The following B3GNT7 variants were observed in gnomAD, a reference collection of about 807,000 sequenced individuals.
B3GNT7 encodes UDP-GlcNAc:betaGal beta-1,3-N-acetylglucosaminyltransferase 7, also known as BGnT-7.
B3GNT7 carries 9 observed loss-of-function variants against 5.1 expected under a neutral mutation model. The ratio of observed to expected loss-of-function variants is 1.77; its 90% CI spans 1.07 to 3.09. The LOEUF (loss-of-function observed/expected upper bound fraction) is 3.09, where lower values mean the gene tolerates loss of function less well. Among genes scored for constraint, B3GNT7 ranks in the 30% most tolerant of loss-of-function variants. B3GNT7 has a pLI of 0.00. For synonymous variants in B3GNT7, 253 were observed against 248.6 expected, an observed-to-expected ratio of 1.02 and a Z score of -0.17; for missense variants, 468 against 550.8, an observed-to-expected ratio of 0.85 and a Z score of 1.50.
intron 1 of B3GNT7, among the ~76,000 whole-genome samples, chr2:231,396,066 G>A (rs1377883839): frequency 2.6e-5 from 4 of 151,906 alleles, no homozygotes; most frequent in African/African-American, 4.8e-5. Context: ...TCAGCTCCCC[G>A]GCCCCGCGGC....
chr2:231,397,579 G>A (rs939514437), intron 1 of B3GNT7, among the ~76,000 whole-genome samples, 152 bp from the exon 2 acceptor site: 49 of 152,108 alleles, frequency 3.2e-4, no homozygotes, highest in African/African-American at 1.1e-3. Context: ...GAGGAAGCGG[G>A]ACCCTACCCT....
At chr2:231,396,157 T>A (rs1046678401) in intron 1 of B3GNT7, among the ~76,000 whole-genome samples, 5 of 151,918 alleles carry the variant, frequency 3.3e-5, no homozygotes, top group African/African-American at 1.2e-4. Flanking sequence ...TCCAGACCCC[T>A]GAGGGCCCCC....
chr2:231,395,749 G>T lies in B3GNT7; in HGVS notation c.-55G>T. The stretch of plus-strand genomic sequence containing the variant: ...GCCCGCCGTCCCGCCGGCCCGAGCC[G>T]TGGCGCCCAGAGCTGCGAGCCGCTC... On this transcript the variant is annotated 5_prime_UTR_variant, in exon 1 of 2. Transcript: ENST00000287590. The surrounding 1 kb of genome is among the most constrained non-coding windows in gnomAD (Gnocchi z 7.3). The T allele has an allele frequency of 8.6e-7, 1 of 1,161,020 alleles. No individual in the cohort carries two copies. Among genetic ancestry groups the T allele is most frequent in the Non-Finnish European group, 1.1e-6 (1 of 942,800 alleles). The allele number at this position is 1,161,020 out of a possible 1,614,324, so 71.9% of individuals were successfully genotyped here. A position where few individuals can be genotyped will look rare whatever the true frequency, so the allele number is the denominator to read the frequency against.
In B3GNT7 at chr2:231,399,058, TG is replaced by T. The variant is rs1242953164; in HGVS notation, c.*136del. The T allele has an allele frequency of 5.3e-6, 4 of 756,968 alleles. No individual in the cohort carries two copies. Among genetic ancestry groups the T allele is most frequent in the Non-Finnish European group, 4.2e-6 (2 of 480,496 alleles). 46.9% of individuals were successfully genotyped at this position (756,968 alleles called of 1,614,324 possible). A position where few individuals can be genotyped will look rare whatever the true frequency, so the allele number is the denominator to read the frequency against. On this transcript the variant is annotated 3_prime_UTR_variant, in exon 2 of 2. Coordinates refer to ENST00000287590, the MANE Select transcript of B3GNT7 (RefSeq NM_145236.3). ...TGGAGGGTTGAGGCCTACGTGCCAC[TG>T]GGTGTGGTGGGGTGCAGGTAGCCAG...
rs748968982 is a variant in B3GNT7, at chr2:231,398,810, C to T, written c.1091C>T (p.Pro364Leu). The T allele has an allele frequency of 2.5e-6, 4 of 1,605,122 alleles. No homozygotes were observed. Among genetic ancestry groups the T allele is most frequent in the Admixed American group, 3.3e-5 (2 of 60,004 alleles). The stretch of plus-strand genomic sequence containing the variant: ...CGCAACAGCCGCATGAACAAGGAGC[C>T]GTGCTTTTTCCGCGCCATGCTCGTG... ...RNRNSRMNKEPCFFRAMLVVH... is the reference protein window; with the variant it reads ...RNRNSRMNKELCFFRAMLVVH... Residue 364 changes from proline to leucine, a missense_variant, in exon 2 of 2, where the codon CCG becomes CTG. Physicochemically the swap from Pro to Leu is moderately conservative, Grantham distance 98. Transcript: ENST00000287590.
At position 231,397,846 on chromosome 2, in the gene B3GNT7, C is replaced by G; in HGVS notation, c.127C>G (p.Leu43Val). ...QFLQEPPPPT[L>V]EPQKAQKPNG... is the part of the protein sequence containing the mutation. Reference sequence around the variant, plus strand: ...TCTGCAGGAGCCTCCGCCACCCACCCTGGAGCCACAGAAGGCCCAGAAGCC... The same window carrying G: ...TCTGCAGGAGCCTCCGCCACCCACCGTGGAGCCACAGAAGGCCCAGAAGCC... The change falls in exon 2 of 2, where the codon CTG becomes GTG. Residue 43 changes from leucine to valine, a missense_variant. Coordinates refer to ENST00000287590, the MANE Select transcript of B3GNT7 (RefSeq NM_145236.3). 1 of 1,613,858 alleles carries G rather than the reference C, an allele frequency of 6.2e-7. No homozygotes were observed. Among genetic ancestry groups the G allele is most frequent in the Non-Finnish European group, 8.5e-7 (1 of 1,179,894 alleles).
chr2:231,396,997 A>T (rs73098155), intron 1 of B3GNT7, among the ~76,000 whole-genome samples: 8,308 of 152,092 alleles, frequency 0.055, 742 homozygotes, highest in African/African-American at 0.19. Context: ...ATGGGGTGTT[A>T]TGAGCTGGGG....
rs1479678724 is a variant in B3GNT7 at position 231,400,613 on chromosome 2, G to A, written c.*1688G>A. 1 of 152,552 alleles carries A rather than the reference G, an allele frequency of 6.6e-6. No individual in the cohort carries two copies. The highest frequency in any genetic ancestry group is 1.5e-5 in the Non-Finnish European group (1 of 68,324). The allele number at this position is 152,552 out of a possible 1,614,324, so 9.4% of individuals were successfully genotyped here. ...CAGGAGAAGAGTCACTCAGACAGCA[G>A]TATGAGCAAGCCAGCCAGCAGCTCC... On this transcript the variant is annotated 3_prime_UTR_variant, in exon 2 of 2. Transcript: ENST00000287590.
In B3GNT7 at chr2:231,398,496, A is replaced by G. The variant is rs377454321; in HGVS notation, c.777A>G (p.Pro259=). ...TAGAATTTCTGGCTGACCGGCAGCC[A>G]CAGGAAAACCTGTTCGTGGGCGATG... The part of the protein sequence containing the change: ...NLLEFLADRQ[P]QENLFVGDVL... Residue 259 remains proline (P), a synonymous_variant, in exon 2 of 2, where the codon CCA becomes CCG. Transcript: ENST00000287590. The G allele has an allele frequency of 4.2e-5, 67 of 1,613,586 alleles. No individual in the cohort carries two copies. The highest frequency in any genetic ancestry group is 5.1e-5 in the Non-Finnish European group (60 of 1,179,890).
chr2:231,397,857 G>A lies in B3GNT7; in HGVS notation c.138G>A (p.Gln46=). 7 of 1,613,874 alleles carry A rather than the reference G, an allele frequency of 4.3e-6. No homozygotes were observed. Among genetic ancestry groups the A allele is most frequent in the Non-Finnish European group, 5.9e-6 (7 of 1,179,896 alleles). ...QEPPPPTLEP[Q]KAQKPNGQLV... ...CTCCGCCACCCACCCTGGAGCCACA[G>A]AAGGCCCAGAAGCCAAATGGACAGC... Residue 46 remains glutamine, a synonymous_variant, in exon 2 of 2, where the codon CAG becomes CAA. Transcript: ENST00000287590.
At position 231,397,835 on chromosome 2, in the gene B3GNT7, C is replaced by T. The variant is rs745834879; in HGVS notation, c.116C>T (p.Pro39Leu). The T allele has an allele frequency of 1.5e-5, 25 of 1,613,670 alleles. No individual in the cohort carries two copies. Among genetic ancestry groups the T allele is most frequent in the South Asian group, 3.3e-5 (3 of 91,092 alleles). Residue 39 changes from proline (P) to leucine (L), a missense_variant, in exon 2 of 2, where the codon CCG (proline) becomes CTG (leucine). Coordinates refer to ENST00000287590, the MANE Select transcript of B3GNT7 (RefSeq NM_145236.3). ...CCTGGTCAGTTTCTGCAGGAGCCTC[C>T]GCCACCCACCCTGGAGCCACAGAAG... is the stretch of plus-strand genomic sequence containing the variant. The part of the protein sequence containing the change: ...LTPGQFLQEP[P>L]PPTLEPQKAQ...
chr2:231,398,679 G>A lies in B3GNT7; in HGVS notation c.960G>A (p.Leu320=), dbSNP rs750157891. The A allele has an allele frequency of 6.2e-7, 1 of 1,612,160 alleles. No homozygotes were observed. The highest frequency in any genetic ancestry group is 1.1e-5 in the South Asian group (1 of 91,076). ...ARRLHHACDT[L]ELYPIDDVFL... is the part of the protein sequence containing the mutation. The stretch of plus-strand genomic sequence containing the variant: ...GCCTGCACCATGCCTGCGACACCCT[G>A]GAGCTCTACCCGATCGACGACGTCT... The change falls in exon 2 of 2, where the codon CTG becomes CTA. Residue 320 remains leucine, a synonymous_variant. Transcript: ENST00000287590.
Position 231,398,011 on chromosome 2 carries a change from C to G in B3GNT7, c.292C>G (p.Gln98Glu), listed in dbSNP as rs781417639. The change falls in exon 2 of 2, where the codon CAG (glutamine) becomes GAG (glutamate). Residue 98 changes from glutamine (Q) to glutamate (E), a missense_variant. Coordinates refer to ENST00000287590, the MANE Select transcript of B3GNT7 (RefSeq NM_145236.3). ...NCSANINLTH[Q>E]PWFQVLEPQF... ...CTCAGCCAATATCAACTTGACCCAC[C>G]AGCCCTGGTTCCAGGTCCTGGAGCC... The G allele has an allele frequency of 1.1e-5, 18 of 1,610,396 alleles. No homozygotes were observed. The highest frequency in any genetic ancestry group is 1.4e-5 in the Non-Finnish European group (16 of 1,179,890).
At chr2:231,397,606 C>T (rs1444559697) in intron 1 of B3GNT7, 125 bp from the exon 2 acceptor site, 6 of 899,892 alleles carry the variant, frequency 6.7e-6, no homozygotes, top group East Asian at 2.7e-5. Flanking sequence ...TTAGGGACTC[C>T]GGGACTGAGC....
chr2:231,396,477 T>G (rs1036667243), intron 1 of B3GNT7, among the ~76,000 whole-genome samples: 1 of 152,130 alleles, frequency 6.6e-6, no homozygotes, highest in Non-Finnish European at 1.5e-5. Context: ...TGCCCCTGTC[T>G]TCCTCCAACC....
In B3GNT7 at chr2:231,398,413, C is replaced by G. The variant is rs2046535066; in HGVS notation, c.694C>G (p.His232Asp). ...FLKWLDIYCP[H>D]VPFIFKGDDD... ...CAAGTGGCTGGACATCTACTGCCCC[C>G]ACGTCCCCTTCATTTTCAAAGGCGA... Residue 232 changes from histidine (H) to aspartate (D), a missense_variant, in exon 2 of 2, where the codon CAC becomes GAC. By Grantham distance (81) the His-to-Asp change is moderately conservative (BLOSUM62 -1). Coordinates refer to ENST00000287590, the MANE Select transcript of B3GNT7 (RefSeq NM_145236.3). 1 of 1,613,744 alleles carries G rather than the reference C, an allele frequency of 6.2e-7. No individual in the cohort carries two copies. Among genetic ancestry groups the G allele is most frequent in the Non-Finnish European group, 8.5e-7 (1 of 1,179,868 alleles).
intron 1 of B3GNT7, chr2:231,397,182 G>C: frequency 1.0e-6 from 1 of 985,580 alleles, no homozygotes; most frequent in Non-Finnish European, 1.2e-6. Context: ...CCCCACATGT[G>C]ATGGAGCTCC....
rs1027080170 is a variant in B3GNT7 at position 231,398,472 on chromosome 2, A to G, written c.753A>G (p.Leu251=). 9.9e-6 allele frequency: 16 copies of G among 1,613,758 alleles called. No homozygotes were observed. The highest frequency in any genetic ancestry group is 1.4e-5 in the Non-Finnish European group (16 of 1,179,882). The change falls in exon 2 of 2, where the codon CTA becomes CTG. Residue 251 remains leucine, a synonymous_variant. Coordinates refer to ENST00000287590, the MANE Select transcript of B3GNT7 (RefSeq NM_145236.3). The stretch of plus-strand genomic sequence containing the variant: ...TCTTCGTCAACCCCACCAACCTGCT[A>G]GAATTTCTGGCTGACCGGCAGCCAC... ...DDVFVNPTNL[L]EFLADRQPQE...
intron 1 of B3GNT7, among the ~76,000 whole-genome samples, chr2:231,396,674 A>C (rs1185915274): frequency 6.6e-6 from 1 of 152,158 alleles, no homozygotes; most frequent in African/African-American, 2.4e-5. Flanking sequence ...TCTCTCTGCT[A>C]GGCTGGCCCT....
Sources: gnomAD v4.1 joint callset for allele counts (sites outside exome capture counted in the v4.1 genomes callset) on GRCh38, gnomAD v4.1.1 for gene constraint, Gnocchi (gnomAD v3.1) non-coding constraint, MANE v1.5 for transcripts, NCBI Gene and HGNC (gene_info 2026-07-23, HGNC 2026-07-21) for gene names.